ANO3: variants seen among roughly 807,000 people sequenced by gnomAD.
The protein encoded by ANO3 is anoctamin-3.
Under a neutral mutation model 144.8 loss-of-function variants are expected in ANO3, and 99 were observed. The observed-to-expected ratio is 0.68, with a 90% CI of 0.58 to 0.81. The LOEUF is 0.81. ANO3 is among the 30% of genes least tolerant of loss of function. ANO3 has a pLI of 0.00. For synonymous variants in ANO3, 414 were observed against 392.6 expected (o/e 1.05, Z -0.64); for missense variants, 905 against 1,202.2 (o/e 0.75, Z 3.66).
intron 4 of ANO3, among the ~76,000 whole-genome samples, chr11:26,476,152 T>C (rs1859960094): frequency 6.6e-6 from 1 of 152,158 alleles, no homozygotes; most frequent in Admixed American, 6.6e-5. Context: ...TGCCAGACTC[T>C]ATACTAATCT....
intron 6 of ANO3, among the ~76,000 whole-genome samples, chr11:26,523,690 T>C (rs370567956): frequency 3.3e-4 from 50 of 152,366 alleles, no homozygotes; most frequent in Admixed American, 1.4e-3. Context: ...GTTCTTACCA[T>C]ATAAGTGTTC....
chr11:26,192,128 C>T (rs528206091), intron 1 of ANO3, among the ~76,000 whole-genome samples: 1 of 152,214 alleles, frequency 6.6e-6, no homozygotes, highest in East Asian at 1.9e-4. Flanking sequence ...TGGAAATTAT[C>T]ACACAATTTG....
chr11:26,464,726 A>G (rs1353898302), intron 4 of ANO3, among the ~76,000 whole-genome samples: 1 of 151,768 alleles, frequency 6.6e-6, no homozygotes, highest in South Asian at 2.1e-4. Context: ...TCAATCCAAT[A>G]TATCTTATTC....
intron 1 of ANO3, among the ~76,000 whole-genome samples, chr11:26,411,479 A>G (rs925506500): frequency 1.3e-5 from 2 of 152,026 alleles, no homozygotes; most frequent in Non-Finnish European, 2.9e-5. Flanking sequence ...GAAGTAAACC[A>G]TATAGAAAAG....
chr11:26,319,144 C>CATCATCATCATTATTATTATTATT (rs1554938770), intron 1 of ANO3, among the ~76,000 whole-genome samples: 9 of 150,834 alleles, frequency 6.0e-5, no homozygotes, highest in African/African-American at 1.9e-4. Context: ...TTCCAGATAA[C>CATCATCATCATTATTATTATTATT]ATTATTATTA....
At chr11:26,527,522 A>G (rs1033876619) in intron 7 of ANO3, among the ~76,000 whole-genome samples, 6 of 152,150 alleles carry the variant, frequency 3.9e-5, no homozygotes, top group African/African-American at 1.4e-4. Flanking sequence ...AAAAAATTAC[A>G]AAATTTGGAA....
chr11:26,363,664 A>G (rs2882349), intron 1 of ANO3, among the ~76,000 whole-genome samples: 122,700 of 152,074 alleles, frequency 0.81, 49,699 homozygotes, highest in East Asian at 0.98. Flanking sequence ...AACTCAGTCA[A>G]TAACAGAGTC....
chr11:26,278,629 G>C (rs1853610223), intron 1 of ANO3, among the ~76,000 whole-genome samples: 1 of 151,994 alleles, frequency 6.6e-6, no homozygotes, highest in Admixed American at 6.6e-5. Flanking sequence ...TACTAATTTT[G>C]ACACATTACA....
chr11:26,313,702 A>G (rs968106157), intron 1 of ANO3, among the ~76,000 whole-genome samples: 5 of 151,702 alleles, frequency 3.3e-5, no homozygotes, highest in African/African-American at 1.2e-4. Flanking sequence ...AAATAAAAAA[A>G]GAAAGAAAGA....
intron 1 of ANO3, among the ~76,000 whole-genome samples, chr11:26,438,718 C>T (rs1177219335): frequency 2.7e-5 from 4 of 147,584 alleles, no homozygotes; most frequent in African/African-American, 1.0e-4. Context: ...GCAGAGGTTG[C>T]AGTGAGCTGA....
At chr11:26,584,562 A>G (rs1054053226) in intron 14 of ANO3, among the ~76,000 whole-genome samples, 2 of 152,224 alleles carry the variant, frequency 1.3e-5, no homozygotes, top group African/African-American at 4.8e-5. Context: ...CAATTTGATG[A>G]ACATTTATTG....
intron 8 of ANO3, among the ~76,000 whole-genome samples, chr11:26,532,508 C>T (rs1296552988): frequency 6.6e-6 from 1 of 152,134 alleles, no homozygotes; most frequent in Non-Finnish European, 1.5e-5. Flanking sequence ...ATTTGTACTT[C>T]CAATAAAATT....
intron 1 of ANO3, among the ~76,000 whole-genome samples, chr11:26,370,111 T>C (rs920086734): frequency 2.9e-4 from 44 of 152,196 alleles, no homozygotes; most frequent in African/African-American, 1.1e-3. Context: ...TTCTCACCCA[T>C]ATCTAGTCTT....
intron 1 of ANO3, among the ~76,000 whole-genome samples, chr11:26,220,814 A>G (rs1221578827): frequency 6.6e-6 from 1 of 152,162 alleles, no homozygotes; most frequent in Non-Finnish European, 1.5e-5. Flanking sequence ...ATTCCCAGGG[A>G]TGGTATCTAG....
chr11:26,256,953 C>T (rs949527825), intron 1 of ANO3, among the ~76,000 whole-genome samples: 2 of 151,980 alleles, frequency 1.3e-5, no homozygotes, highest in African/African-American at 4.8e-5. Context: ...AGAAATGCTG[C>T]TAAACATCCT....
intron 4 of ANO3, among the ~76,000 whole-genome samples, chr11:26,475,512 T>C (rs1859930055): frequency 1.3e-5 from 2 of 152,152 alleles, no homozygotes; most frequent in Non-Finnish European, 2.9e-5. Flanking sequence ...GTCTGTTAAA[T>C]TACCTAGACC....
chr11:26,355,748 C>T (rs539938440), intron 1 of ANO3, among the ~76,000 whole-genome samples: 5 of 151,992 alleles, frequency 3.3e-5, no homozygotes, highest in South Asian at 4.2e-4. Context: ...TTAGTAGAGA[C>T]GGGGTTTCAC....
chr11:26,239,526 C>G (rs1852611915), intron 1 of ANO3, among the ~76,000 whole-genome samples: 1 of 152,192 alleles, frequency 6.6e-6, no homozygotes, highest in Non-Finnish European at 1.5e-5. Flanking sequence ...CAACACAGGT[C>G]TTAACACAAA....
In ANO3 at chr11:26,457,791, T is replaced by C. The variant is rs1378932687; in HGVS notation, c.314-5239T>C. Among the ~76,000 whole-genome samples the C allele has an allele frequency of 2.0e-5, 3 of 152,124 alleles. 1 individual carries two copies. The highest frequency in any genetic ancestry group is 4.4e-5 in the Non-Finnish European group (3 of 68,018). On this transcript the variant is annotated intron_variant, in intron 3 of 26. Coordinates refer to ENST00000256737, the MANE Select transcript of ANO3 (RefSeq NM_031418.4). ...CTTTGAGACTGCATTTTTATGGATGTATGCCTTCCTATTATTCTGCTACTA... is the reference window on the plus strand; with the variant it reads ...CTTTGAGACTGCATTTTTATGGATGCATGCCTTCCTATTATTCTGCTACTA...
Sources: allele counts gnomAD v4.1 joint callset (sites outside exome capture counted in the v4.1 genomes callset), GRCh38; gene constraint gnomAD v4.1.1; transcripts MANE v1.5; gene names NCBI Gene and HGNC (gene_info 2026-07-23, HGNC 2026-07-21).